Variants in NRF1 observed in about 807,000 individuals in gnomAD.
The protein encoded by NRF1 is nuclear respiratory factor 1.
Under a neutral mutation model 58.5 loss-of-function variants are expected in NRF1, and 5 were observed. The observed-to-expected ratio is 0.09, with a 90% CI of 0.04 to 0.18. The LOEUF is 0.18. Among genes scored for constraint, NRF1 ranks in the 10% least tolerant of loss-of-function variants. NRF1 has a pLI of 1.00. For missense variants in NRF1, 288 were observed against 657.7 expected (o/e 0.44, Z 6.15); for synonymous variants, 224 against 246.7 (o/e 0.91, Z 0.86).
At chr7:129,696,391 T>C (rs958243563) in intron 5 of NRF1, among the ~76,000 whole-genome samples, 1 of 152,240 alleles carries the variant, frequency 6.6e-6, no homozygotes, top group Admixed American at 6.5e-5. Flanking sequence ...TACTGTGTGT[T>C]GGAAGGCACA....
At chr7:129,696,653 C>G (rs865938299) in intron 5 of NRF1, among the ~76,000 whole-genome samples, 20 of 152,212 alleles carry the variant, frequency 1.3e-4, no homozygotes, top group Middle Eastern at 3.4e-3. Flanking sequence ...TTGGGTTAAC[C>G]AGACAACTCT....
intron 2 of NRF1, among the ~76,000 whole-genome samples, chr7:129,670,571 G>A (rs1215863916): frequency 2.0e-5 from 3 of 152,156 alleles, no homozygotes; most frequent in African/African-American, 7.2e-5. Flanking sequence ...CCAATATACA[G>A]ATGAGCAATT....
intron 2 of NRF1, among the ~76,000 whole-genome samples, chr7:129,664,899 G>T (rs1342339003): frequency 6.6e-6 from 1 of 152,200 alleles, no homozygotes; most frequent in East Asian, 1.9e-4. Flanking sequence ...AAGGCTTATT[G>T]GGGGGAGAAA....
chr7:129,676,169 G>A (rs188817254), intron 3 of NRF1, among the ~76,000 whole-genome samples: 84 of 152,212 alleles, frequency 5.5e-4, no homozygotes, highest in African/African-American at 1.7e-3. Flanking sequence ...TCTTTTATCC[G>A]GACCACTAAA....
At position 129,711,516 on chromosome 7, in the gene NRF1, A is replaced by C; in HGVS notation, c.1005A>C (p.Ser335=). The stretch of plus-strand genomic sequence containing the variant: ...CAGTAGCCACATTGGCTGATGCTTC[A>C]GAATTGCCAACCACGGTCACCGTTG... ...GATVATLADA[S]ELPTTVTVAQ... The change falls in exon 8 of 11, where the codon TCA becomes TCC. Residue 335 remains serine (S), a synonymous_variant. Transcript: ENST00000393232. 2.5e-6 allele frequency: 4 copies of C among 1,612,906 alleles called. No homozygotes were observed. The highest frequency in any genetic ancestry group is 1.6e-4 in the Middle Eastern group (1 of 6,062).
At chr7:129,663,066 G>A (rs1385312783) in intron 2 of NRF1, among the ~76,000 whole-genome samples, 1 of 152,210 alleles carries the variant, frequency 6.6e-6, no homozygotes, top group South Asian at 2.1e-4. Flanking sequence ...AGAGCATGGG[G>A]TTGGGGGTAA....
chr7:129,686,255 A>G (rs1282493293), intron 4 of NRF1, among the ~76,000 whole-genome samples: 1 of 152,200 alleles, frequency 6.6e-6, no homozygotes, highest in African/African-American at 2.4e-5. Flanking sequence ...CTGGGAGCTC[A>G]AGAGGTGTCA....
chr7:129,734,557 C>CT lies in NRF1; in HGVS notation c.1348+7193dup, dbSNP rs770701635. Among the ~76,000 whole-genome samples, 271 of 152,358 alleles carry CT rather than the reference C, an allele frequency of 1.8e-3. 1 individual carries two copies. The highest frequency in any genetic ancestry group is 3.1e-3 in the Non-Finnish European group (214 of 68,036). On this transcript the variant is annotated intron_variant, in intron 10 of 10. Transcript: ENST00000393232. ...CTGTTCCGAGGGCTGTAGGGGTACC[C>CT]TGGAGGTTCATGCTGCTGAGTGCCC...
In NRF1 at chr7:129,717,637, A is replaced by G. The variant is rs78238351; in HGVS notation, c.1223+261A>G. Among the ~76,000 whole-genome samples, 190 of 152,314 alleles carry G rather than the reference A, an allele frequency of 1.2e-3. 5 individuals are homozygous for G. The East Asian group carries it at 0.03, about 24-fold the overall frequency. On this transcript the variant is annotated intron_variant, in intron 9 of 10. Coordinates refer to ENST00000393232, the MANE Select transcript of NRF1 (RefSeq NM_005011.5). ...AGTAAAAGGTAGTTTCCAAAACTCAATGTATTGTTTCCTGCTTAGTTCCTT... is the reference window on the plus strand; with the variant it reads ...AGTAAAAGGTAGTTTCCAAAACTCAGTGTATTGTTTCCTGCTTAGTTCCTT...
chr7:129,754,727 A>G (rs1265084517), intron 10 of NRF1, among the ~76,000 whole-genome samples: 1 of 152,172 alleles, frequency 6.6e-6, no homozygotes, highest in Non-Finnish European at 1.5e-5. Flanking sequence ...AGAGATTAAT[A>G]TGGTAATTTT....
intron 10 of NRF1, among the ~76,000 whole-genome samples, chr7:129,748,918 T>G (rs1216705645): frequency 6.6e-6 from 1 of 151,822 alleles, no homozygotes; most frequent in Non-Finnish European, 1.5e-5. Context: ...TGGAATAGAG[T>G]AGATTGGCTC....
chr7:129,692,257 ATAG>A (rs1289257933), intron 5 of NRF1, among the ~76,000 whole-genome samples: 1 of 152,192 alleles, frequency 6.6e-6, no homozygotes, highest in Non-Finnish European at 1.5e-5. Context: ...TGTAGCCATC[ATAG>A]TAGTTTTTTA....
At chr7:129,700,546 T>A (rs1391933223) in intron 5 of NRF1, among the ~76,000 whole-genome samples, 3 of 152,236 alleles carry the variant, frequency 2.0e-5, no homozygotes, top group Non-Finnish European at 2.9e-5. Flanking sequence ...AAGCAGGCTC[T>A]TCTTACTGTC....
At chr7:129,674,358 G>A (rs1009152246) in intron 3 of NRF1, among the ~76,000 whole-genome samples, 2 of 151,610 alleles carry the variant, frequency 1.3e-5, no homozygotes, top group Admixed American at 1.3e-4. Flanking sequence ...TAAAAAAGTT[G>A]TGTTAACACT....
chr7:129,691,642 AC>A (rs1802571832), intron 5 of NRF1, among the ~76,000 whole-genome samples: 1 of 152,104 alleles, frequency 6.6e-6, no homozygotes, highest in East Asian at 1.9e-4. Flanking sequence ...GGCGTGAGCC[AC>A]CACACCCAGC....
At chr7:129,615,616 T>C (rs1211211039) in intron 1 of NRF1, among the ~76,000 whole-genome samples, 1 of 152,242 alleles carries the variant, frequency 6.6e-6, no homozygotes, top group South Asian at 2.1e-4. Context: ...TAATTTTCCA[T>C]GAATGCTTAG....
intron 1 of NRF1, among the ~76,000 whole-genome samples, chr7:129,655,714 GT>G: frequency 6.6e-6 from 1 of 152,160 alleles, no homozygotes; most frequent in Non-Finnish European, 1.5e-5. Flanking sequence ...TAGAGACAGG[GT>G]TTTTCCATGT....
At chr7:129,754,404 AGTGAGCTGTGGTCACGCCACTGCACT>A (rs1804197899) in intron 10 of NRF1, among the ~76,000 whole-genome samples, 1 of 136,874 alleles carries the variant, frequency 7.3e-6, no homozygotes, top group Admixed American at 8.4e-5. Flanking sequence ...TCGAGGTTGC[AGTGAGCTGTGGTCACGCCACTGCACT>A]CCAGCCTAGG....
At chr7:129,674,904 C>G (rs1221906600) in intron 3 of NRF1, among the ~76,000 whole-genome samples, 1 of 152,122 alleles carries the variant, frequency 6.6e-6, no homozygotes, top group Non-Finnish European at 1.5e-5. Flanking sequence ...AATAATACAA[C>G]AAATTTTGCC....
Sources: allele counts gnomAD v4.1 joint callset (sites outside exome capture counted in the v4.1 genomes callset), GRCh38; gene constraint gnomAD v4.1.1; transcripts MANE v1.5; gene names NCBI Gene and HGNC (gene_info 2026-07-23, HGNC 2026-07-21).